ACVR1: variants seen among roughly 807,000 people sequenced by gnomAD.
ACVR1 encodes the protein activin A receptor type 1.
Under a neutral mutation model 57.1 loss-of-function variants are expected in ACVR1, and 38 were observed. That is an observed-to-expected ratio of 0.67 (90% CI 0.51 to 0.87). The LOEUF (loss-of-function observed/expected upper bound fraction) is 0.87, where lower values mean the gene tolerates loss of function less well. Ranked by LOEUF, ACVR1 falls within the 40% of genes least tolerant of loss-of-function variation. ACVR1 has a pLI of 0.00. For synonymous variants in ACVR1, 212 were observed against 228.1 expected (o/e 0.93, Z 0.63); for missense variants, 463 against 638.2 (o/e 0.73, Z 2.96).
intron 3 of ACVR1, chr2:157,790,307 T>G (rs1315583935): frequency 6.6e-6 from 1 of 152,144 alleles, no homozygotes; most frequent in African/African-American, 2.4e-5. Context: ...CCAAGAGACA[T>G]ACACCTTCAC....
chr2:157,828,592 C>T (rs1223120372), intron 1 of ACVR1, among the ~76,000 whole-genome samples: 1 of 152,046 alleles, frequency 6.6e-6, no homozygotes, highest in Non-Finnish European at 1.5e-5. Context: ...CCAGCCTGGG[C>T]AACAGAGGGA....
intron 1 of ACVR1, among the ~76,000 whole-genome samples, chr2:157,850,957 C>CA (rs1181458868): frequency 2.8e-4 from 43 of 151,274 alleles, no homozygotes; most frequent in Non-Finnish European, 2.1e-4. Context: ...ACTGTGTCTC[C>CA]AAAAAAAACA....
At chr2:157,751,955 T>C (rs1227510412) in intron 9 of ACVR1, among the ~76,000 whole-genome samples, 1 of 152,192 alleles carries the variant, frequency 6.6e-6, no homozygotes, top group Non-Finnish European at 1.5e-5. Context: ...CTACCACAGC[T>C]AATGCTCTCT....
intron 9 of ACVR1, among the ~76,000 whole-genome samples, chr2:157,754,831 C>T (rs550472188): frequency 1.1e-4 from 16 of 152,110 alleles, no homozygotes; most frequent in African/African-American, 3.1e-4. Context: ...GACCAATATC[C>T]GTGATGAACA....
intron 1 of ACVR1, among the ~76,000 whole-genome samples, chr2:157,858,085 C>A (rs1689596430): frequency 1.3e-5 from 2 of 152,050 alleles, no homozygotes; most frequent in South Asian, 4.2e-4. Context: ...CCCTCTCAAC[C>A]CACTAAAAGT....
intron 2 of ACVR1, among the ~76,000 whole-genome samples, chr2:157,802,805 T>A (rs1020262439): frequency 6.6e-6 from 1 of 152,228 alleles, no homozygotes; most frequent in African/African-American, 2.4e-5. Flanking sequence ...TCTGTCTCTG[T>A]CACTAGACTG....
chr2:157,851,641 A>T (rs1242807928), intron 1 of ACVR1, among the ~76,000 whole-genome samples: 1 of 152,182 alleles, frequency 6.6e-6, no homozygotes, highest in Non-Finnish European at 1.5e-5. Flanking sequence ...ATTATAGGCC[A>T]AAAAACCCTC....
chr2:157,824,343 C>A (rs1225349531), intron 1 of ACVR1, among the ~76,000 whole-genome samples: 1 of 152,110 alleles, frequency 6.6e-6, no homozygotes, highest in Non-Finnish European at 1.5e-5. Flanking sequence ...TGGTGCACAC[C>A]TGTAGTCCCA....
At chr2:157,767,544 T>A (rs961760843) in intron 7 of ACVR1, among the ~76,000 whole-genome samples, 7 of 152,032 alleles carry the variant, frequency 4.6e-5, no homozygotes, top group South Asian at 2.1e-4. Context: ...AGAAAAAAAA[T>A]TTTTTAAGAC....
At chr2:157,790,849 A>C (rs1686884021) in intron 3 of ACVR1, among the ~76,000 whole-genome samples, 1 of 152,174 alleles carries the variant, frequency 6.6e-6, no homozygotes, top group Admixed American at 6.5e-5. Context: ...GCACCTACTT[A>C]ATCTCTCCAC....
chr2:157,835,709 T>C (rs10164681), intron 1 of ACVR1, among the ~76,000 whole-genome samples: 10,630 of 152,264 alleles, frequency 0.07, 1,082 homozygotes, highest in African/African-American at 0.22. Context: ...TGCACTGCAG[T>C]GTAGCTCTGC....
At chr2:157,807,354 GT>G in intron 2 of ACVR1, among the ~76,000 whole-genome samples, 1 of 152,070 alleles carries the variant, frequency 6.6e-6, no homozygotes, top group East Asian at 1.9e-4. Flanking sequence ...TGCCTTACTC[GT>G]ACCTCAAAAC....
chr2:157,750,323 G>A (rs1685134919), intron 9 of ACVR1, among the ~76,000 whole-genome samples: 2 of 152,164 alleles, frequency 1.3e-5, no homozygotes, highest in South Asian at 2.1e-4. Context: ...CATTGCATTC[G>A]ATTCCATTGG....
At chr2:157,862,416 T>TACACAC (rs1257815431) in intron 1 of ACVR1, among the ~76,000 whole-genome samples, 1 of 82,380 alleles carries the variant, frequency 1.2e-5, no homozygotes, top group African/African-American at 4.2e-5. Flanking sequence ...GATAAACATA[T>TACACAC]ACACATACAC....
chr2:157,850,117 C>CG (rs1553513962), intron 1 of ACVR1, among the ~76,000 whole-genome samples: 1 of 152,068 alleles, frequency 6.6e-6, no homozygotes, highest in Non-Finnish European at 1.5e-5. Flanking sequence ...AGGCCGGGTG[C>CG]GGTGGCTCAT....
chr2:157,850,117 C>CGGT (rs1485206912), intron 1 of ACVR1, among the ~76,000 whole-genome samples: 2 of 152,068 alleles, frequency 1.3e-5, no homozygotes, highest in African/African-American at 4.8e-5. Context: ...AGGCCGGGTG[C>CGGT]GGTGGCTCAT....
chr2:157,854,685 T>G (rs970002090), intron 1 of ACVR1, among the ~76,000 whole-genome samples: 10 of 145,900 alleles, frequency 6.9e-5, no homozygotes, highest in African/African-American at 2.6e-4. Flanking sequence ...ATTGTGCCAC[T>G]GCACTCCAGC....
chr2:157,742,459 GAGAA>G (rs1387765874), intron 9 of ACVR1, among the ~76,000 whole-genome samples: 1 of 152,202 alleles, frequency 6.6e-6, no homozygotes, highest in Non-Finnish European at 1.5e-5. Context: ...AAAGGGCCAC[GAGAA>G]AGAAATAAAA....
rs778765499 is a variant in ACVR1, at chr2:157,774,093, C to G, written c.638G>C (p.Cys213Ser). The change falls in exon 6 of 11, where the codon TGT (cysteine) becomes TCT (serine). Residue 213 changes from cysteine to serine, a missense_variant. Cys to Ser is a moderately radical substitution (Grantham distance 112). This residue lies in a region of ACVR1 where 114 missense variants were observed against 216.2 expected (regional missense o/e 0.53). Transcript: ENST00000434821. ...AAAGGAAAAAAAAGAATTACCGACA[C>G]ACTCCAACAGTGTAATCTGGCGAGC... is the stretch of plus-strand genomic sequence containing the variant. Reference protein sequence around the residue: ...TVARQITLLECVGKGRYGEVW... With the variant: ...TVARQITLLESVGKGRYGEVW... The G allele has an allele frequency of 2.5e-6, 4 of 1,613,768 alleles. No individual in the cohort carries two copies. The South Asian group carries it at 4.4e-5, about 18-fold the overall frequency.
Sources: allele counts gnomAD v4.1 joint callset (sites outside exome capture counted in the v4.1 genomes callset), GRCh38; gene constraint gnomAD v4.1.1; regional missense constraint gnomAD v4.1.1; transcripts MANE v1.5; gene names NCBI Gene and HGNC (gene_info 2026-07-23, HGNC 2026-07-21).